The following NEGR1 variants were observed in gnomAD, a reference collection of about 807,000 sequenced individuals.
The protein encoded by NEGR1 is IgLON family member 4.
In NEGR1, 10 loss-of-function variants were observed where a neutral mutation model predicts 40.9. The observed-to-expected ratio is 0.24, with a 90% CI of 0.15 to 0.42. The LOEUF (loss-of-function observed/expected upper bound fraction) is 0.42, where lower values mean the gene tolerates loss of function less well. Ranked by LOEUF, NEGR1 falls within the 10% of genes least tolerant of loss-of-function variation. The pLI, the probability that NEGR1 is intolerant of heterozygous loss-of-function variation, is 1.00. For synonymous variants in NEGR1, 185 were observed against 166.8 expected, an observed-to-expected ratio of 1.11 and a Z score of -0.84; for missense variants, 352 against 438.9, an observed-to-expected ratio of 0.80 and a Z score of 1.77.
chr1:72,204,810 TG>T (rs1045493729), intron 1 of NEGR1, among the ~76,000 whole-genome samples: 17 of 152,170 alleles, frequency 1.1e-4, no homozygotes, highest in African/African-American at 4.1e-4. Context: ...TAAAATGTTT[TG>T]TAATTAAATA....
chr1:71,885,059 T>C (rs1660688970), intron 2 of NEGR1, among the ~76,000 whole-genome samples: 2 of 152,212 alleles, frequency 1.3e-5, no homozygotes, highest in South Asian at 4.1e-4. Context: ...GAGTTTTTCT[T>C]AGCACAGATA....
intron 6 of NEGR1, among the ~76,000 whole-genome samples, chr1:71,567,579 C>A (rs146330396): frequency 0.012 from 1,758 of 152,046 alleles, 30 homozygotes; most frequent in Admixed American, 0.028. Context: ...TCTGCTATTG[C>A]CTGATTTATA....
chr1:72,252,824 T>A (rs1419035146), intron 1 of NEGR1, among the ~76,000 whole-genome samples: 1 of 152,180 alleles, frequency 6.6e-6, no homozygotes, highest in East Asian at 1.9e-4. Flanking sequence ...AATTTATGGA[T>A]CTAATAGTAT....
intron 3 of NEGR1, among the ~76,000 whole-genome samples, chr1:71,707,003 A>T (rs1176123601): frequency 6.6e-6 from 1 of 152,126 alleles, no homozygotes; most frequent in Non-Finnish European, 1.5e-5. Flanking sequence ...TTAGAGCAGG[A>T]AGGAAAACGA....
intron 2 of NEGR1, among the ~76,000 whole-genome samples, chr1:71,801,986 G>C (rs776641219): frequency 6.6e-6 from 1 of 152,132 alleles, no homozygotes; most frequent in Non-Finnish European, 1.5e-5. Context: ...TGAAAATGAG[G>C]AACATGTTAT....
chr1:71,985,407 G>C (rs1239850999), intron 1 of NEGR1, among the ~76,000 whole-genome samples: 1 of 152,118 alleles, frequency 6.6e-6, no homozygotes, highest in Non-Finnish European at 1.5e-5. Context: ...CACTTTATGT[G>C]TAATAGTTCA....
intron 4 of NEGR1, among the ~76,000 whole-genome samples, chr1:71,692,284 A>C (rs1653312464): frequency 6.6e-6 from 1 of 151,728 alleles, no homozygotes. Flanking sequence ...ATAAGTGTTA[A>C]TTAGCTTAAA....
chr1:72,118,653 G>A (rs1451565246), intron 1 of NEGR1, among the ~76,000 whole-genome samples: 1 of 151,782 alleles, frequency 6.6e-6, no homozygotes, highest in South Asian at 2.1e-4. Context: ...CCCAGAGTCT[G>A]ATTCTCTGGC....
intron 4 of NEGR1, among the ~76,000 whole-genome samples, chr1:71,678,697 G>C (rs958823617): frequency 9.9e-5 from 15 of 152,226 alleles, no homozygotes; most frequent in African/African-American, 3.4e-4. Flanking sequence ...TTGTTCAACA[G>C]TTACTTGTTG....
chr1:71,418,764 C>T (rs770286933), intron 6 of NEGR1, among the ~76,000 whole-genome samples: 2 of 152,110 alleles, frequency 1.3e-5, no homozygotes, highest in Non-Finnish European at 2.9e-5. Flanking sequence ...TAGGTACTTG[C>T]TTCCTCACCT....
intron 1 of NEGR1, among the ~76,000 whole-genome samples, chr1:72,178,995 G>C (rs999495700): frequency 3.3e-5 from 5 of 151,734 alleles, no homozygotes; most frequent in Admixed American, 6.6e-5. Context: ...CCATTCTATA[G>C]GTTGTCTGTT....
chr1:72,152,690 T>C (rs1367522813), intron 1 of NEGR1, among the ~76,000 whole-genome samples: 2 of 151,996 alleles, frequency 1.3e-5, no homozygotes, highest in Non-Finnish European at 2.9e-5. Flanking sequence ...TCATAGCTGT[T>C]CTATTCAAAT....
intron 4 of NEGR1, among the ~76,000 whole-genome samples, chr1:71,678,962 G>C (rs1461762092): frequency 6.6e-6 from 1 of 152,092 alleles, no homozygotes; most frequent in East Asian, 1.9e-4. Flanking sequence ...CCTGAAGAAT[G>C]GAAAACCACT....
At chr1:71,904,727 C>CT (rs775578950) in intron 2 of NEGR1, among the ~76,000 whole-genome samples, 2 of 152,098 alleles carry the variant, frequency 1.3e-5, no homozygotes, top group Non-Finnish European at 2.9e-5. Flanking sequence ...AGAATTTCTG[C>CT]TTATTTAGTA....
At chr1:72,097,169 G>C (rs984136478) in intron 1 of NEGR1, among the ~76,000 whole-genome samples, 1 of 152,132 alleles carries the variant, frequency 6.6e-6, no homozygotes, top group East Asian at 1.9e-4. Flanking sequence ...AAAGGCTCCA[G>C]AGGCTGGGTT....
At chr1:72,216,213 G>A (rs1401105743) in intron 1 of NEGR1, among the ~76,000 whole-genome samples, 1 of 151,176 alleles carries the variant, frequency 6.6e-6, no homozygotes, top group African/African-American at 2.4e-5. Flanking sequence ...GTCAGGGGTG[G>A]CAGGCAAGGG....
At chr1:72,186,145 G>A (rs1310502048) in intron 1 of NEGR1, among the ~76,000 whole-genome samples, 1 of 151,564 alleles carries the variant, frequency 6.6e-6, no homozygotes, top group African/African-American at 2.4e-5. Flanking sequence ...AGCCACTCTT[G>A]TTCATATGTA....
intron 6 of NEGR1, among the ~76,000 whole-genome samples, chr1:71,527,402 ACCATCCATCCATCCATCCATCCATCCAT>A (rs71095944): frequency 6.8e-6 from 1 of 147,798 alleles, no homozygotes; most frequent in Non-Finnish European, 1.5e-5. Flanking sequence ...CCATCCAACC[ACCATCCATCCATCCATCCATCCATCCAT>A]CCATCCATCC....
At chr1:71,632,102 A>C (rs1650988022) in intron 4 of NEGR1, among the ~76,000 whole-genome samples, 1 of 151,756 alleles carries the variant, frequency 6.6e-6, no homozygotes, top group Non-Finnish European at 1.5e-5. Flanking sequence ...CTTGAAAATG[A>C]GGTGCTATTG....
Sources: gnomAD v4.1 joint callset for allele counts (sites outside exome capture counted in the v4.1 genomes callset) on GRCh38, gnomAD v4.1.1 for gene constraint, MANE v1.5 for transcripts, NCBI Gene and HGNC (gene_info 2026-07-23, HGNC 2026-07-21) for gene names.